HM13: variants seen among roughly 807,000 people sequenced by gnomAD.
The protein encoded by HM13 is signal peptide peptidase.
A neutral mutation model predicts 50.0 loss-of-function variants in HM13; 18 were observed. The ratio of observed to expected loss-of-function variants is 0.36; its 90% CI spans 0.25 to 0.53. The LOEUF is 0.53. Among genes scored for constraint, HM13 ranks in the 20% least tolerant of loss-of-function variants. The probability of loss-of-function intolerance (pLI) is 0.90; values close to 1 mark genes in which losing one functional copy is unlikely to be tolerated. For synonymous variants in HM13, 197 were observed against 232.6 expected, an observed-to-expected ratio of 0.85 and a Z score of 1.39; for missense variants, 393 against 552.4, an observed-to-expected ratio of 0.71 and a Z score of 2.89.
At chr20:31,554,108 T>A (rs961015526) in intron 7 of HM13, among the ~76,000 whole-genome samples, 4 of 152,142 alleles carry the variant, frequency 2.6e-5, no homozygotes, top group Admixed American at 2.6e-4. Flanking sequence ...TGACTCCAGA[T>A]GGAGACATTG....
chr20:31,519,843 CTT>C lies in HM13; in HGVS notation c.183+5127_183+5128del, dbSNP rs35626235. 2.6e-3 allele frequency among the ~76,000 whole-genome samples: 323 copies of C among 125,540 alleles called. 1 individual carries two copies. Among genetic ancestry groups the C allele is most frequent in the African/African-American group, 4.4e-3 (135 of 30,692 alleles). The allele number at this position is 125,540 out of a possible 152,430, so 82.4% of individuals were successfully genotyped here. On this transcript the variant is annotated intron_variant, in intron 1 of 12. Coordinates refer to ENST00000398174, the MANE Select transcript of HM13 (RefSeq NM_178581.3). Reference sequence around the variant, plus strand: ...ATTGGTGGGTCGAAGGCTATGCACACTTTTTTTTTTTTTTTTTTTGAGACAGT... The same window carrying C: ...ATTGGTGGGTCGAAGGCTATGCACACTTTTTTTTTTTTTTTTTGAGACAGT...
chr20:31,552,078 G>C (rs112805309), intron 7 of HM13, among the ~76,000 whole-genome samples: 2 of 151,666 alleles, frequency 1.3e-5, no homozygotes, highest in African/African-American at 4.9e-5. Context: ...TACACGGGGA[G>C]GGCATTTCTC....
intron 1 of HM13, among the ~76,000 whole-genome samples, chr20:31,521,251 A>C (rs1174813085): frequency 1.3e-5 from 2 of 152,202 alleles, no homozygotes; most frequent in African/African-American, 4.8e-5. Flanking sequence ...AAAACTTTCC[A>C]ACCGAAATTT....
At chr20:31,527,822 T>C in intron 2 of HM13, 2 of 468,758 alleles carry the variant, frequency 4.3e-6, no homozygotes, top group South Asian at 5.4e-5. Context: ...TGATATCAGT[T>C]TGGTTTCATT....
At chr20:31,519,957 C>T (rs1982051344) in intron 1 of HM13, among the ~76,000 whole-genome samples, 1 of 151,392 alleles carries the variant, frequency 6.6e-6, no homozygotes, top group African/African-American at 2.4e-5. Flanking sequence ...AAGCAATTCT[C>T]CCACCTCAGC....
rs774222123 is a variant in HM13 at position 31,568,081 on chromosome 20, C to T, written c.1038C>T (p.Tyr346=). ...CTCTTCTCTCTCTCTCACACAGCTACGAGTCCTCGGCGGAAATCCTGCCTC... is the reference window on the plus strand; with the variant it reads ...CTCTTCTCTCTCTCTCACACAGCTATGAGTCCTCGGCGGAAATCCTGCCTC... ...AKGEVTEMFS[Y]ESSAEILPHT... The change falls in exon 12 of 13, where the codon TAC becomes TAT. Residue 346 remains tyrosine, a synonymous_variant. Transcript: ENST00000398174. The T allele has an allele frequency of 3.1e-6, 5 of 1,608,164 alleles. No homozygotes were observed. In the South Asian group the frequency reaches 3.3e-5, roughly 11 times the overall value.
chr20:31,527,654 C>A, intron 2 of HM13, 72 bp downstream of exon 2: 3 of 1,081,392 alleles, frequency 2.8e-6, no homozygotes, highest in South Asian at 2.7e-5. Context: ...TTTTTCCCAT[C>A]ACAAGAACCA....
At chr20:31,564,861 AAAAAAG>A (rs1176425801) in intron 10 of HM13, among the ~76,000 whole-genome samples, 17 of 151,372 alleles carry the variant, frequency 1.1e-4, no homozygotes, top group African/African-American at 3.2e-4. Flanking sequence ...CAAAAAAAAA[AAAAAAG>A]AAAAGAAAAG....
intron 7 of HM13, chr20:31,550,340 C>T (rs1201709314): frequency 9.1e-6 from 5 of 547,510 alleles, no homozygotes; most frequent in Non-Finnish European, 1.3e-5. Context: ...TGCAGCATGG[C>T]GTGAAATGAG....
At chr20:31,546,109 G>A (rs1419966781) in intron 4 of HM13, among the ~76,000 whole-genome samples, 1 of 148,124 alleles carries the variant, frequency 6.8e-6, no homozygotes, top group South Asian at 2.1e-4. Context: ...GAGTGCAGCG[G>A]CACAATCTTG....
intron 2 of HM13, among the ~76,000 whole-genome samples, chr20:31,532,096 A>AT (rs374817984): frequency 0.11 from 15,915 of 148,262 alleles, 953 homozygotes; most frequent in Non-Finnish European, 0.13. Flanking sequence ...CTATTCACAG[A>AT]TTTTTTTTTT....
At position 31,546,754 on chromosome 20, in the gene HM13, CAA is replaced by C. The variant is rs542344354; in HGVS notation, c.454+1734_454+1735del. 2.3e-3 allele frequency among the ~76,000 whole-genome samples: 263 copies of C among 116,684 alleles called. 1 individual carries two copies. Among genetic ancestry groups the C allele is most frequent in the Middle Eastern group, 9.8e-3 (2 of 204 alleles). The allele number at this position is 116,684 out of a possible 152,430, so 76.5% of individuals were successfully genotyped here. On this transcript the variant is annotated intron_variant, in intron 4 of 12. Coordinates refer to ENST00000398174, the MANE Select transcript of HM13 (RefSeq NM_178581.3). ...AGGGCGACAGAGTGAGACCCTGTCTCAAAAAAAAAAAAAAAAGACTAAGCTTG... is the reference window on the plus strand; with the variant it reads ...AGGGCGACAGAGTGAGACCCTGTCTCAAAAAAAAAAAAAAGACTAAGCTTG...
intron 1 of HM13, among the ~76,000 whole-genome samples, chr20:31,518,186 C>T (rs1469007382): frequency 6.6e-6 from 1 of 151,758 alleles, no homozygotes; most frequent in South Asian, 2.1e-4. Flanking sequence ...CAGGCTGGCA[C>T]CACCACGCCT....
At chr20:31,559,009 C>G (rs1032184580) in intron 8 of HM13, among the ~76,000 whole-genome samples, 1 of 152,202 alleles carries the variant, frequency 6.6e-6, no homozygotes, top group African/African-American at 2.4e-5. Context: ...ACCTCCACTT[C>G]CTGGGTTCAA....
intron 1 of HM13, among the ~76,000 whole-genome samples, chr20:31,516,573 G>A (rs1364378470): frequency 6.6e-6 from 1 of 152,208 alleles, no homozygotes; most frequent in African/African-American, 2.4e-5. Flanking sequence ...CGTAGAGGTA[G>A]AATTTCAGCC....
At chr20:31,535,792 G>A (rs937768074) in intron 2 of HM13, among the ~76,000 whole-genome samples, 20 of 152,330 alleles carry the variant, frequency 1.3e-4, no homozygotes, top group African/African-American at 4.6e-4. Flanking sequence ...TCCTCAAGAA[G>A]CATCTTGTTA....
intron 11 of HM13, chr20:31,567,794 T>G: frequency 8.4e-6 from 3 of 358,126 alleles, no homozygotes; most frequent in Non-Finnish European, 1.5e-5. Flanking sequence ...ATTCTGCACA[T>G]TGGGTTTCTA....
chr20:31,559,308 T>A (rs1984481394), intron 8 of HM13, among the ~76,000 whole-genome samples: 1 of 152,188 alleles, frequency 6.6e-6, no homozygotes, highest in African/African-American at 2.4e-5. Flanking sequence ...CTCCTACATT[T>A]CCCATAGTGC....
intron 11 of HM13, 36 bp downstream of exon 11, chr20:31,566,331 A>G (rs1984910762): frequency 6.5e-7 from 1 of 1,547,814 alleles, no homozygotes. Flanking sequence ...CCTCATGGGC[A>G]CCAGTGTGCC....
Sources: allele counts gnomAD v4.1 joint callset (sites outside exome capture counted in the v4.1 genomes callset), GRCh38; gene constraint gnomAD v4.1.1; transcripts MANE v1.5; gene names NCBI Gene and HGNC (gene_info 2026-07-23, HGNC 2026-07-21).